OR1J2: variants seen among roughly 807,000 people sequenced by gnomAD.
OR1J2 encodes the protein olfactory receptor family 1 subfamily J member 2, also known as olfactory receptor 1J2.
For synonymous variants in OR1J2, 142 were observed against 99.7 expected, an observed-to-expected ratio of 1.42 and a Z score of -2.52; for missense variants, 304 against 246.1, an observed-to-expected ratio of 1.24 and a Z score of -1.57.
chr9:122,466,051 G>C, the OR1J2 span, among the ~76,000 whole-genome samples: 1 of 152,074 alleles, frequency 6.6e-6, no homozygotes, highest in African/African-American at 2.4e-5. Context: ...TTATAATTTC[G>C]ACTTATCATC....
chr9:122,502,675 CT>C, the OR1J2 span, among the ~76,000 whole-genome samples: 243 of 146,854 alleles, frequency 1.7e-3, no homozygotes, highest in African/African-American at 4.1e-3. Context: ...CAACATAGTA[CT>C]TTTTTTTTTT....
Position 122,511,228 on chromosome 9 carries a change from T to G in OR1J2, c.427T>G (p.Phe143Val), listed in dbSNP as rs764841639. The G allele has an allele frequency of 2.7e-6, 2 of 753,616 alleles. No homozygotes were observed. Among genetic ancestry groups the G allele is most frequent in the South Asian group, 2.9e-5 (2 of 68,802 alleles). The allele number at this position is 753,616 out of a possible 1,614,324, so 46.7% of individuals were successfully genotyped here. A position where few individuals can be genotyped will look rare whatever the true frequency, so the allele number is the denominator to read the frequency against. ...CATCATGAGGGAAGAGCTCTGTGTC[T>G]TCTTAGTGGCTGTATCTTGGATTCT... The part of the protein sequence containing the change: ...TVIMREELCV[F>V]LVAVSWILSC... The change falls in exon 1 of 1, where the codon TTC becomes GTC. Residue 143 changes from phenylalanine (F) to valine (V), a missense_variant. Phe to Val is a conservative substitution (Grantham distance 50). Transcript: ENST00000335302.
At chr9:122,531,691 A>G in the OR1J2 span, among the ~76,000 whole-genome samples, 24 of 152,196 alleles carry the variant, frequency 1.6e-4, no homozygotes, top group Non-Finnish European at 2.9e-4. Flanking sequence ...CCTTTCCTGA[A>G]GACTGAGGAC....
chr9:122,456,273 A>G, the OR1J2 span, among the ~76,000 whole-genome samples: 1 of 152,178 alleles, frequency 6.6e-6, no homozygotes, highest in African/African-American at 2.4e-5. Context: ...CTCAGGAATA[A>G]ACACGTGCCT....
At chr9:122,474,765 T>C in the OR1J2 span, among the ~76,000 whole-genome samples, 8 of 152,298 alleles carry the variant, frequency 5.3e-5, no homozygotes. Flanking sequence ...TATGGCAAGG[T>C]TTATCACTAG....
the OR1J2 span, among the ~76,000 whole-genome samples, chr9:122,571,214 A>G: frequency 0.054 from 8,214 of 152,140 alleles, 414 homozygotes; most frequent in East Asian, 0.26. Flanking sequence ...GGGATTTGAA[A>G]GCTTGAACAC....
chr9:122,528,154 A>T, the OR1J2 span, among the ~76,000 whole-genome samples: 1 of 152,218 alleles, frequency 6.6e-6, no homozygotes, highest in South Asian at 2.1e-4. Flanking sequence ...ATTTAGTCTC[A>T]CTTGCCTTTA....
chr9:122,564,974 T>G, the OR1J2 span, among the ~76,000 whole-genome samples: 1 of 152,192 alleles, frequency 6.6e-6, no homozygotes, highest in Non-Finnish European at 1.5e-5. Flanking sequence ...GAGTCTGAAC[T>G]CATTGGTAGG....
the OR1J2 span, among the ~76,000 whole-genome samples, chr9:122,466,614 A>C: frequency 6.6e-6 from 1 of 152,188 alleles, no homozygotes; most frequent in East Asian, 1.9e-4. Context: ...ACATAACACT[A>C]GGCAGAGACT....
the OR1J2 span, among the ~76,000 whole-genome samples, chr9:122,571,285 C>T: frequency 3.3e-5 from 5 of 152,124 alleles, no homozygotes; most frequent in African/African-American, 9.7e-5. Context: ...GGCGCGGTGG[C>T]TCACACCTGT....
chr9:122,572,043 G>A, the OR1J2 span, among the ~76,000 whole-genome samples: 6 of 152,200 alleles, frequency 3.9e-5, no homozygotes, highest in African/African-American at 1.4e-4. Context: ...AGGCAAAGCC[G>A]GAGCAGGCAT....
chr9:122,503,637 A>G, the OR1J2 span, among the ~76,000 whole-genome samples: 11 of 152,262 alleles, frequency 7.2e-5, no homozygotes, highest in East Asian at 1.9e-3. Context: ...ATAAAAACCC[A>G]TGTACTTTGT....
chr9:122,507,508 A>G (rs922668801), upstream of OR1J2, among the ~76,000 whole-genome samples: 6 of 152,150 alleles, frequency 3.9e-5, no homozygotes, highest in African/African-American at 9.7e-5. Flanking sequence ...AATATAAGCT[A>G]CTTATGTGAG....
the OR1J2 span, chr9:122,553,782 G>A: frequency 1.9e-6 from 3 of 1,613,956 alleles, no homozygotes; most frequent in African/African-American, 4.0e-5. Flanking sequence ...CCTGAAGCTT[G>A]CCTGCTCAGA....
the OR1J2 span, among the ~76,000 whole-genome samples, chr9:122,450,259 C>T: frequency 2.0e-5 from 3 of 152,004 alleles, no homozygotes; most frequent in Non-Finnish European, 2.9e-5. Flanking sequence ...GGCGAAACTC[C>T]GTCTCTACTA....
the OR1J2 span, among the ~76,000 whole-genome samples, chr9:122,464,306 C>A: frequency 6.6e-6 from 1 of 152,346 alleles, no homozygotes; most frequent in East Asian, 1.9e-4. Context: ...TGCTCCCCCG[C>A]CCCCACCGCC....
the OR1J2 span, among the ~76,000 whole-genome samples, chr9:122,492,199 A>G: frequency 6.6e-6 from 1 of 152,010 alleles, no homozygotes; most frequent in Non-Finnish European, 1.5e-5. Flanking sequence ...TTGCCACATA[A>G]GTCCTTGACT....
chr9:122,457,958 G>A, the OR1J2 span, among the ~76,000 whole-genome samples: 3 of 152,142 alleles, frequency 2.0e-5, no homozygotes, highest in East Asian at 3.9e-4. Flanking sequence ...ACTTAAGACT[G>A]TACAATAGAT....
chr9:122,560,369 T>C, the OR1J2 span, among the ~76,000 whole-genome samples: 1 of 152,202 alleles, frequency 6.6e-6, no homozygotes, highest in Non-Finnish European at 1.5e-5. Context: ...GATCCTGTCA[T>C]CATGATGCTA....
Sources: gnomAD v4.1 joint callset for allele counts (sites outside exome capture counted in the v4.1 genomes callset) on GRCh38, gnomAD v4.1.1 for gene constraint, MANE v1.5 for transcripts, NCBI Gene and HGNC (gene_info 2026-07-23, HGNC 2026-07-21) for gene names.